The following TCF7L2 variants were observed in gnomAD, a reference collection of about 807,000 sequenced individuals.
TCF7L2 encodes transcription factor 7 like 2, also known as transcription factor 7-like 2.
A neutral mutation model predicts 77.9 loss-of-function variants in TCF7L2; 23 were observed. The ratio of observed to expected loss-of-function variants is 0.30; its 90% CI spans 0.21 to 0.42. The LOEUF (loss-of-function observed/expected upper bound fraction) is 0.42, where lower values mean the gene tolerates loss of function less well. Among genes scored for constraint, TCF7L2 ranks in the 10% least tolerant of loss-of-function variants. TCF7L2 has a pLI of 1.00. For synonymous variants in TCF7L2, 413 were observed against 340.2 expected, an observed-to-expected ratio of 1.21 and a Z score of -2.36; for missense variants, 654 against 793.1, an observed-to-expected ratio of 0.82 and a Z score of 2.11.
intron 4 of TCF7L2, among the ~76,000 whole-genome samples, chr10:112,991,469 C>G (rs1212877075): frequency 6.6e-6 from 1 of 151,098 alleles, no homozygotes; most frequent in East Asian, 2.0e-4. Flanking sequence ...GATCGCCCCA[C>G]TGCACTCCAG....
chr10:113,141,154 C>T (rs761321784), intron 5 of TCF7L2, 30 bp from the exon 6 acceptor site: 42 of 1,611,512 alleles, frequency 2.6e-5, no homozygotes, highest in Admixed American at 2.0e-4. Flanking sequence ...ACCGGCTTGA[C>T]GGTGTCTTTC....
chr10:113,019,978 C>CG (rs1183406858), intron 4 of TCF7L2, among the ~76,000 whole-genome samples: 5 of 152,148 alleles, frequency 3.3e-5, no homozygotes, highest in Admixed American at 6.5e-5. Flanking sequence ...ACCTTTGAGC[C>CG]GGTGGCCTGC....
chr10:113,022,257 C>T (rs536571586), intron 4 of TCF7L2, among the ~76,000 whole-genome samples: 1 of 152,334 alleles, frequency 6.6e-6, no homozygotes, highest in Non-Finnish European at 1.5e-5. Context: ...GCTTTGCCTC[C>T]ACATGGCTGA....
At chr10:112,956,209 G>C (rs1002332458) in intron 3 of TCF7L2, among the ~76,000 whole-genome samples, 3 of 152,096 alleles carry the variant, frequency 2.0e-5, no homozygotes. Context: ...CAGCTGTCTG[G>C]AAGTTATGTG....
chr10:112,951,349 C>T, intron 2 of TCF7L2, 76 bp downstream of exon 2: 1 of 983,934 alleles, frequency 1.0e-6, no homozygotes, highest in Non-Finnish European at 1.2e-6. Context: ...CCCGGCCCCG[C>T]GCCCGGCTCG....
intron 3 of TCF7L2, among the ~76,000 whole-genome samples, chr10:112,962,457 G>C (rs1356798088): frequency 6.6e-6 from 1 of 152,182 alleles, no homozygotes; most frequent in African/African-American, 2.4e-5. Flanking sequence ...CCCAGGCACA[G>C]AAGTTGTTTT....
At chr10:113,029,854 TG>T (rs2049915348) in intron 4 of TCF7L2, among the ~76,000 whole-genome samples, 1 of 152,140 alleles carries the variant, frequency 6.6e-6, no homozygotes, top group African/African-American at 2.4e-5. Context: ...ATCTCTTAAA[TG>T]AATGTGGTCA....
chr10:113,024,373 C>T (rs544270660), intron 4 of TCF7L2, among the ~76,000 whole-genome samples: 1 of 152,060 alleles, frequency 6.6e-6, no homozygotes, highest in Non-Finnish European at 1.5e-5. Flanking sequence ...GGACATAAAC[C>T]CTGTAAACTA....
Position 113,117,436 on chromosome 10 carries a change from TCTCTCTCTCTCTCTCTCTCTC to T in TCF7L2, c.553-23747_553-23727del, listed in dbSNP as rs1564916684. 1.1e-3 allele frequency among the ~76,000 whole-genome samples: 80 copies of T among 70,206 alleles called. 3 individuals carry two copies. The highest frequency in any genetic ancestry group is 4.8e-3 in the African/African-American group (77 of 16,056). 46.1% of individuals were successfully genotyped at this position (70,206 alleles called of 152,430 possible). A position where few individuals can be genotyped will look rare whatever the true frequency, so the allele number is the denominator to read the frequency against. On this transcript the variant is annotated intron_variant, in intron 5 of 13. Transcript: ENST00000627217. The stretch of plus-strand genomic sequence containing the variant: ...CTCTCTCTCTCTCTCTCTCTCTCCC[TCTCTCTCTCTCTCTCTCTCTC>T]TTCTCCCCCCAACAAATATAGCTAA...
At chr10:113,088,323 C>T (rs1021715056) in intron 5 of TCF7L2, among the ~76,000 whole-genome samples, 4 of 152,008 alleles carry the variant, frequency 2.6e-5, no homozygotes, top group Admixed American at 2.6e-4. Flanking sequence ...AGCTATATTC[C>T]CCCTCTGCCA....
At chr10:113,058,531 G>C (rs891272322) in intron 5 of TCF7L2, among the ~76,000 whole-genome samples, 1 of 152,052 alleles carries the variant, frequency 6.6e-6, no homozygotes, top group Non-Finnish European at 1.5e-5. Context: ...GTGATCCTCC[G>C]GGCAGCTCAT....
chr10:112,985,495 T>C (rs2041312423), intron 4 of TCF7L2, among the ~76,000 whole-genome samples: 1 of 152,180 alleles, frequency 6.6e-6, no homozygotes, highest in Non-Finnish European at 1.5e-5. Flanking sequence ...CAAGGATCAG[T>C]TTCTTCTGGC....
intron 4 of TCF7L2, among the ~76,000 whole-genome samples, chr10:112,996,568 C>T (rs557003284): frequency 4.7e-4 from 72 of 152,190 alleles, no homozygotes; most frequent in Non-Finnish European, 9.0e-4. Flanking sequence ...TGGTCAGGAC[C>T]TTTGATGGAA....
chr10:112,968,908 C>T (rs570230127), intron 4 of TCF7L2, among the ~76,000 whole-genome samples: 1 of 152,114 alleles, frequency 6.6e-6, no homozygotes, highest in South Asian at 2.1e-4. Flanking sequence ...TGTGGGGGTT[C>T]GGTGTCCCTG....
chr10:112,990,827 T>C (rs2042405484), intron 4 of TCF7L2, among the ~76,000 whole-genome samples: 1 of 152,226 alleles, frequency 6.6e-6, no homozygotes, highest in Non-Finnish European at 1.5e-5. Flanking sequence ...TCCGTACTCA[T>C]CTCAATGGGT....
At chr10:113,165,513 C>T (rs761126003) in intron 13 of TCF7L2, 42 bp from the exon 15 acceptor site, 1 of 1,603,354 alleles carries the variant, frequency 6.2e-7, no homozygotes. Flanking sequence ...CCCTTGGCAT[C>T]TGTGCCCTCT....
intron 5 of TCF7L2, among the ~76,000 whole-genome samples, chr10:113,082,343 A>AGTT (rs80299567): frequency 6.6e-6 from 1 of 151,472 alleles, no homozygotes; most frequent in Non-Finnish European, 1.5e-5. Context: ...ACTTGAAAAA[A>AGTT]ATTATCTTTA....
chr10:113,094,656 G>A (rs1441564173), intron 5 of TCF7L2, among the ~76,000 whole-genome samples: 4 of 152,110 alleles, frequency 2.6e-5, no homozygotes, highest in Admixed American at 1.3e-4. Context: ...TTTAAAAATC[G>A]TAGGTGGGAT....
chr10:113,056,491 T>G (rs2055401251), intron 5 of TCF7L2, among the ~76,000 whole-genome samples: 1 of 152,042 alleles, frequency 6.6e-6, no homozygotes, highest in East Asian at 1.9e-4. Context: ...AATTCCATAT[T>G]TCATGTAACT....
Sources: gnomAD v4.1 joint callset for allele counts (sites outside exome capture counted in the v4.1 genomes callset) on GRCh38, gnomAD v4.1.1 for gene constraint, MANE v1.5 for transcripts, NCBI Gene and HGNC (gene_info 2026-07-23, HGNC 2026-07-21) for gene names.